Variants in IFT122 observed in about 807,000 individuals in gnomAD.
IFT122 encodes intraflagellar transport 122.
Under a neutral mutation model 161.6 loss-of-function variants are expected in IFT122, and 118 were observed. The observed-to-expected ratio is 0.73, with a 90% CI of 0.63 to 0.85. IFT122 has a LOEUF of 0.85. Among genes scored for constraint, IFT122 ranks in the 40% least tolerant of loss-of-function variants. The probability of loss-of-function intolerance (pLI) is 0.00; values close to 1 mark genes in which losing one functional copy is unlikely to be tolerated. For synonymous variants in IFT122, 550 were observed against 602.4 expected (o/e 0.91, Z 1.27); for missense variants, 1,381 against 1,579.6 (o/e 0.87, Z 2.13).
chr3:129,519,037 G>T lies in IFT122; in HGVS notation c.3392-70G>T. 8.4e-6 allele frequency: 11 copies of T among 1,310,900 alleles called. No homozygotes were observed. The South Asian group carries it at 1.3e-4, about 15-fold the overall frequency. 81.2% of individuals were successfully genotyped at this position (1,310,900 alleles called of 1,614,324 possible). A position where few individuals can be genotyped will look rare whatever the true frequency, so the allele number is the denominator to read the frequency against. Reference sequence around the variant, plus strand: ...GGCTGCCCTTGAGTCTTCTCACAGGGGTGTAGGGTGGAGGCTAGGGTCTGT... The same window carrying T: ...GGCTGCCCTTGAGTCTTCTCACAGGTGTGTAGGGTGGAGGCTAGGGTCTGT... On this transcript the variant is annotated intron_variant, in intron 27 of 29. Coordinates refer to ENST00000348417, the MANE Select transcript of IFT122 (RefSeq NM_052989.3).
intron 16 of IFT122, among the ~76,000 whole-genome samples, chr3:129,490,950 T>C (rs2080009143): frequency 6.6e-6 from 1 of 152,194 alleles, no homozygotes; most frequent in South Asian, 2.1e-4. Context: ...GCTCAGACCA[T>C]TCATCCGTGT....
intron 1 of IFT122, among the ~76,000 whole-genome samples, chr3:129,441,713 A>G (rs1183177349): frequency 6.6e-6 from 1 of 152,138 alleles, no homozygotes; most frequent in East Asian, 1.9e-4. Context: ...TAGGAATTGT[A>G]TGTTTTCCCT....
chr3:129,520,104 G>A lies in IFT122; in HGVS notation c.3637-72G>A, dbSNP rs560190032. 2.4e-5 allele frequency: 30 copies of A among 1,264,662 alleles called. No homozygotes were observed. The East Asian group carries it at 6.4e-4, about 27-fold the overall frequency. The allele number at this position is 1,264,662 out of a possible 1,614,324, so 78.3% of individuals were successfully genotyped here. ...AAGCCCCCTCCCCTTGAGAGGCAGT[G>A]CGTCCTGGCCCCAGGCGTAGGGCTG... On this transcript the variant is annotated intron_variant, in intron 29 of 29. Coordinates refer to ENST00000348417, the MANE Select transcript of IFT122 (RefSeq NM_052989.3).
At chr3:129,476,915 C>A in intron 11 of IFT122, 114 bp downstream of exon 11, 1 of 1,264,060 alleles carries the variant, frequency 7.9e-7, no homozygotes, top group South Asian at 1.2e-5. Context: ...TTTTGCAAAC[C>A]TGTTAGCCAC....
intron 27 of IFT122, 142 bp from the exon 28 acceptor site, chr3:129,518,965 C>A: frequency 1.3e-6 from 1 of 771,048 alleles, no homozygotes; most frequent in Non-Finnish European, 2.3e-6. Flanking sequence ...GATTCCTTGG[C>A]CTGAGCCCCC....
intron 3 of IFT122, among the ~76,000 whole-genome samples, chr3:129,454,513 TTGTGTGTGTGTGTGTGTGTGTGTG>T (rs61557048): frequency 2.3e-5 from 3 of 131,224 alleles, no homozygotes; most frequent in Non-Finnish European, 4.8e-5. Flanking sequence ...GTAGTCATAT[TTGTGTGTGTGTGTGTGTGTGTGTG>T]TGTGTGTGTG....
chr3:129,466,296 A>G (rs754476745), intron 7 of IFT122, among the ~76,000 whole-genome samples: 2 of 151,842 alleles, frequency 1.3e-5, no homozygotes, highest in Non-Finnish European at 2.9e-5. Context: ...TTTTTGGCCC[A>G]TGCTGTACCA....
rs932893514 is a variant in IFT122, at chr3:129,509,891, T to C, written c.2886+2129T>C. Among the ~76,000 whole-genome samples the C allele has an allele frequency of 3.4e-4, 51 of 152,188 alleles. 2 individuals carry two copies. The highest frequency in any genetic ancestry group is 1.3e-4 in the Admixed American group (2 of 15,280). On this transcript the variant is annotated intron_variant, in intron 23 of 29. Coordinates refer to ENST00000348417, the MANE Select transcript of IFT122 (RefSeq NM_052989.3). ...CTCTGGCCTTCAGCTTCTTTCTCTA[T>C]AAAATAGGGATAACAGCACTATGTA...
rs758174828 is a variant in IFT122, at chr3:129,519,760, G to T, written c.3636+28G>T. On this transcript the variant is annotated intron_variant, in intron 29 of 29. Transcript: ENST00000348417. Reference sequence around the variant, plus strand: ...AGGTGGCCACCCTGGTAGCTCACATGTGCTTCTCTTGGCCACTTTTCCCTT... The same window carrying T: ...AGGTGGCCACCCTGGTAGCTCACATTTGCTTCTCTTGGCCACTTTTCCCTT... The T allele has an allele frequency of 5.6e-6, 9 of 1,612,282 alleles. No homozygotes were observed. In the East Asian group the frequency reaches 2.0e-4, roughly 36 times the overall value.
chr3:129,443,319 G>A (rs752186033), intron 1 of IFT122, among the ~76,000 whole-genome samples: 7 of 152,342 alleles, frequency 4.6e-5, no homozygotes, highest in Non-Finnish European at 7.4e-5. Flanking sequence ...CAATTTGCAG[G>A]ATTCCTCTGT....
intron 7 of IFT122, 87 bp from the exon 8 acceptor site, chr3:129,466,803 C>T: frequency 7.4e-7 from 1 of 1,354,304 alleles, no homozygotes; most frequent in Admixed American, 1.7e-5. Flanking sequence ...GCACCTGGCC[C>T]CCAGGGGCTC....
At chr3:129,513,986 C>T (rs149513210) in intron 24 of IFT122, 371 of 360,774 alleles carry the variant, frequency 1.0e-3, no homozygotes, top group African/African-American at 7.3e-3. Context: ...AGGGTGGCTC[C>T]CCAGGGAGTC....
chr3:129,484,086 GAA>G (rs2078993522), intron 15 of IFT122, among the ~76,000 whole-genome samples: 1 of 151,566 alleles, frequency 6.6e-6, no homozygotes, highest in Non-Finnish European at 1.5e-5. Context: ...GGGAGAGAGA[GAA>G]TGAGTGGGTG....
chr3:129,504,473 A>G (rs769374026), intron 21 of IFT122, 52 bp downstream of exon 21: 1 of 1,428,500 alleles, frequency 7.0e-7, no homozygotes, highest in African/African-American at 1.4e-5. Flanking sequence ...AGTTACTGCC[A>G]AGACATACAT....
At chr3:129,454,120 C>T (rs2075167729) in intron 3 of IFT122, among the ~76,000 whole-genome samples, 1 of 152,150 alleles carries the variant, frequency 6.6e-6, no homozygotes, top group South Asian at 2.1e-4. Context: ...AAGCTTTAGA[C>T]CACTTTCTAG....
chr3:129,463,731 G>T lies in IFT122; in HGVS notation c.416+105G>T. On this transcript the variant is annotated intron_variant, in intron 6 of 29. Transcript: ENST00000348417. ...AGAGAAGGTCTTGTGTTAGGTAGTT[G>T]GTTTAGGCCCCTGTATTTCCTTTTT... 3 of 901,166 alleles carry T rather than the reference G, an allele frequency of 3.3e-6. No homozygotes were observed. The East Asian group carries it at 7.5e-5, about 23-fold the overall frequency. 55.8% of individuals were successfully genotyped at this position (901,166 alleles called of 1,614,324 possible). A position where few individuals can be genotyped will look rare whatever the true frequency, so the allele number is the denominator to read the frequency against.
intron 27 of IFT122, among the ~76,000 whole-genome samples, chr3:129,518,093 C>T (rs1210677800): frequency 1.3e-5 from 2 of 152,256 alleles, no homozygotes; most frequent in African/African-American, 4.8e-5. Flanking sequence ...GGCTCTGCCT[C>T]TCTTGGCCGC....
intron 3 of IFT122, among the ~76,000 whole-genome samples, chr3:129,456,710 T>A (rs565633890): frequency 6.6e-6 from 1 of 151,166 alleles, no homozygotes; most frequent in Non-Finnish European, 1.5e-5. Flanking sequence ...AGGTCAGGAG[T>A]TTGAGACCAG....
Position 129,478,189 on chromosome 3 carries a change from G to C in IFT122, c.1321G>C (p.Val441Leu). The change falls in exon 12 of 30, where the codon GTG (valine) becomes CTG (leucine). Residue 441 changes from valine to leucine, a missense_variant. Around this residue, in one of 7 missense-constraint regions of IFT122, gnomAD observed 544 missense variants for 648.0 expected, o/e 0.84. Transcript: ENST00000348417. ...GAAGTTTGAGTGCAACCTCCTGGTGGTGTGTGCCAATCACATCATCCTGTG... is the reference window on the plus strand; with the variant it reads ...GAAGTTTGAGTGCAACCTCCTGGTGCTGTGTGCCAATCACATCATCCTGTG... ...IKKFECNLLVVCANHIILCQE... is the reference protein window; with the variant it reads ...IKKFECNLLVLCANHIILCQE... The C allele has an allele frequency of 6.2e-7, 1 of 1,614,200 alleles. No homozygotes were observed. The highest frequency in any genetic ancestry group is 8.5e-7 in the Non-Finnish European group (1 of 1,180,034).
Sources: gnomAD v4.1 joint callset for allele counts (sites outside exome capture counted in the v4.1 genomes callset) on GRCh38, gnomAD v4.1.1 for gene constraint, gnomAD v4.1.1 regional missense constraint, MANE v1.5 for transcripts, NCBI Gene and HGNC (gene_info 2026-07-23, HGNC 2026-07-21) for gene names.